WHRN: variants seen among roughly 807,000 people sequenced by gnomAD.
The protein encoded by WHRN is CASK-interacting protein CIP98.
WHRN carries 41 observed loss-of-function variants against 68.3 expected under a neutral mutation model. The ratio of observed to expected loss-of-function variants is 0.60; its 90% CI spans 0.47 to 0.78. The LOEUF (loss-of-function observed/expected upper bound fraction) is 0.78, where lower values mean the gene tolerates loss of function less well. Among genes scored for constraint, WHRN ranks in the 30% least tolerant of loss-of-function variants. The probability of loss-of-function intolerance (pLI) is 0.00; values close to 1 mark genes in which losing one functional copy is unlikely to be tolerated. For missense variants in WHRN, 1,243 were observed against 1,244.7 expected (o/e 1.00, Z 0.02); for synonymous variants, 560 against 561.3 (o/e 1.00, Z 0.03).
chr9:114,485,949 G>T (rs1842443485), intron 1 of WHRN, among the ~76,000 whole-genome samples: 1 of 152,134 alleles, frequency 6.6e-6, no homozygotes. Flanking sequence ...AAAAGATCGA[G>T]ACTACGGTGA....
intron 3 of WHRN, among the ~76,000 whole-genome samples, chr9:114,462,484 G>A (rs937992085): frequency 6.6e-6 from 1 of 152,194 alleles, no homozygotes; most frequent in African/African-American, 2.4e-5. Flanking sequence ...GCCGGTCAGT[G>A]GAGGCCCCAG....
chr9:114,466,053 G>C (rs1840661645), intron 3 of WHRN, among the ~76,000 whole-genome samples: 1 of 152,218 alleles, frequency 6.6e-6, no homozygotes, highest in South Asian at 2.1e-4. Flanking sequence ...ACAGCAGCAC[G>C]ACAAGTTCGG....
intron 1 of WHRN, among the ~76,000 whole-genome samples, chr9:114,483,657 T>C (rs1842266279): frequency 1.3e-5 from 2 of 152,176 alleles, no homozygotes; most frequent in Admixed American, 1.3e-4. Flanking sequence ...GCAGCAGAGC[T>C]TGAGCCTGTG....
intron 3 of WHRN, among the ~76,000 whole-genome samples, chr9:114,444,033 C>T (rs1838613259): frequency 6.6e-6 from 1 of 152,176 alleles, no homozygotes; most frequent in South Asian, 2.1e-4. Context: ...TTCCCCCCAC[C>T]ACCCGGTTCA....
chr9:114,423,299 G>A lies in WHRN; in HGVS notation c.1626+15C>T, dbSNP rs1836483434. 3 of 1,613,406 alleles carry A rather than the reference G, an allele frequency of 1.9e-6. No individual in the cohort carries two copies. The highest frequency in any genetic ancestry group is 1.3e-5 in the African/African-American group (1 of 74,896). On this transcript the variant is annotated intron_variant, in intron 7 of 11. Coordinates refer to ENST00000362057, the MANE Select transcript of WHRN (RefSeq NM_015404.4). ...CCCTGGCTACTAAGCCAGGGACAAG[G>A]CAGAAGAAGCTCACCCTGGCCGAGC...
rs1844164667 is a variant in WHRN, at chr9:114,504,038, C to T, written c.618+146G>A. 2.4e-6 allele frequency: 3 copies of T among 1,238,598 alleles called. No individual in the cohort carries two copies. The Admixed American group carries it at 7.6e-5, about 31-fold the overall frequency. 76.7% of individuals were successfully genotyped at this position (1,238,598 alleles called of 1,614,324 possible). Reference sequence around the variant, plus strand: ...AGAGCTATTTGCTCTGTAAGCTATACATTCCTGTTTTAAAGTATTAAAAAA... The same window carrying T: ...AGAGCTATTTGCTCTGTAAGCTATATATTCCTGTTTTAAAGTATTAAAAAA... On this transcript the variant is annotated intron_variant, in intron 1 of 11. Transcript: ENST00000362057.
intron 1 of WHRN, among the ~76,000 whole-genome samples, chr9:114,502,732 T>G (rs1472306887): frequency 2.0e-5 from 3 of 152,214 alleles, no homozygotes; most frequent in Non-Finnish European, 4.4e-5. Flanking sequence ...CCAAGTCTTT[T>G]TAAATTGCCA....
At chr9:114,413,670 G>A (rs547387663) in intron 7 of WHRN, among the ~76,000 whole-genome samples, 65 of 152,320 alleles carry the variant, frequency 4.3e-4, no homozygotes, top group Middle Eastern at 3.4e-3. Context: ...ACTGGGCCCC[G>A]CACTGGCTGG....
At chr9:114,464,523 G>C (rs189926636) in intron 3 of WHRN, among the ~76,000 whole-genome samples, 1 of 152,156 alleles carries the variant, frequency 6.6e-6, no homozygotes, top group Admixed American at 6.5e-5. Context: ...AATCCCATTC[G>C]TGGGGCTCCA....
At chr9:114,436,868 A>C (rs1837904822) in intron 3 of WHRN, among the ~76,000 whole-genome samples, 1 of 151,914 alleles carries the variant, frequency 6.6e-6, no homozygotes, top group African/African-American at 2.4e-5. Context: ...CAATTTTAAA[A>C]CATAAAATAA....
chr9:114,428,904 TGGCCA>T (rs950704567), intron 3 of WHRN, among the ~76,000 whole-genome samples: 1 of 149,880 alleles, frequency 6.7e-6, no homozygotes, highest in African/African-American at 2.5e-5. Flanking sequence ...ACATCTAAAC[TGGCCA>T]GACATAGTAC....
At position 114,478,709 on chromosome 9, in the gene WHRN, G is replaced by GC. The variant is rs1306987034; in HGVS notation, c.680dup (p.Tyr228LeufsTer37). On this transcript the variant is annotated frameshift_variant, in exon 2 of 12. Coordinates refer to ENST00000362057, the MANE Select transcript of WHRN (RefSeq NM_015404.4). LOFTEE classifies it high-confidence loss of function. ...AGGTGTAGATGTGGTTGGTGACGTA[G>GC]CCCCCAGGGATGCGCCCTGCTGAGT... 1.9e-6 allele frequency: 3 copies of GC among 1,610,922 alleles called. No homozygotes were observed. Among genetic ancestry groups the GC allele is most frequent in the Non-Finnish European group, 2.5e-6 (3 of 1,179,340 alleles).
chr9:114,492,886 G>A lies in WHRN; in HGVS notation c.618+11298C>T, dbSNP rs182781341. Among the ~76,000 whole-genome samples, 68 of 152,078 alleles carry A rather than the reference G, an allele frequency of 4.5e-4. No individual in the cohort carries two copies. In the East Asian group the frequency reaches 9.9e-3, roughly 22 times the overall value. ...TACACACCATGCTGGGCATGGTGGC[G>A]CAAGCCTGTAGTCCCAGCTACTCGG... On this transcript the variant is annotated intron_variant, in intron 1 of 11. Transcript: ENST00000362057.
At position 114,504,783 on chromosome 9, in the gene WHRN, C is replaced by G. The variant is rs572671060; in HGVS notation, c.19G>C (p.Gly7Arg). The change falls in exon 1 of 12, where the codon GGC becomes CGC. Residue 7 changes from glycine to arginine, a missense_variant. By Grantham distance (125) the Gly-to-Arg change is moderately radical. Transcript: ENST00000362057. MNAPLD[G>R]LSVSSSSTGS... Reference sequence around the variant, plus strand: ...GTGGAGGACGAGCTCACCGACAGGCCGTCCAGCGGCGCGTTCATCTCCACG... The same window carrying G: ...GTGGAGGACGAGCTCACCGACAGGCGGTCCAGCGGCGCGTTCATCTCCACG... 3.9e-4 allele frequency: 576 copies of G among 1,459,668 alleles called. 2 individuals are homozygous for G. The highest frequency in any genetic ancestry group is 3.9e-3 in the African/African-American group (262 of 67,464). The allele number at this position is 1,459,668 out of a possible 1,614,324, so 90.4% of individuals were successfully genotyped here. A position where few individuals can be genotyped will look rare whatever the true frequency, so the allele number is the denominator to read the frequency against.
chr9:114,494,940 G>C (rs767453613), intron 1 of WHRN, among the ~76,000 whole-genome samples: 1 of 152,110 alleles, frequency 6.6e-6, no homozygotes, highest in African/African-American at 2.4e-5. Context: ...GGGGGGGAGC[G>C]GGTTTCAGGA....
At chr9:114,473,482 G>C (rs1279389436) in intron 2 of WHRN, among the ~76,000 whole-genome samples, 1 of 152,206 alleles carries the variant, frequency 6.6e-6, no homozygotes, top group Non-Finnish European at 1.5e-5. Context: ...TATGACCTGG[G>C]ATAATTCATG....
At chr9:114,480,218 A>G (rs7852982) in intron 1 of WHRN, among the ~76,000 whole-genome samples, 12,770 of 152,106 alleles carry the variant, frequency 0.084, 809 homozygotes, top group East Asian at 0.34. Context: ...CTGGGGTGGA[A>G]GCTGAGGTCT....
At chr9:114,409,224 T>C (rs1218797614) in intron 7 of WHRN, among the ~76,000 whole-genome samples, 1 of 144,280 alleles carries the variant, frequency 6.9e-6, no homozygotes, top group Non-Finnish European at 1.5e-5. Context: ...TCCAGGCTGA[T>C]AAGGGGCTGG....
At chr9:114,408,629 C>T (rs1835209638) in intron 7 of WHRN, among the ~76,000 whole-genome samples, 1 of 152,242 alleles carries the variant, frequency 6.6e-6, no homozygotes, top group African/African-American at 2.4e-5. Context: ...GAGCTCCTCT[C>T]TGAGCTGGGC....
Sources: allele counts gnomAD v4.1 joint callset (sites outside exome capture counted in the v4.1 genomes callset), GRCh38; gene constraint gnomAD v4.1.1; transcripts MANE v1.5; gene names NCBI Gene and HGNC (gene_info 2026-07-23, HGNC 2026-07-21).